RUFY4: variants seen among roughly 807,000 people sequenced by gnomAD.
The protein encoded by RUFY4 is RUN and FYVE domain containing 4.
RUFY4 carries 73 observed loss-of-function variants against 69.0 expected under a neutral mutation model. That is an observed-to-expected ratio of 1.06 (90% CI 0.88 to 1.29). The LOEUF (loss-of-function observed/expected upper bound fraction) is 1.29, where lower values mean the gene tolerates loss of function less well. Among genes scored for constraint, RUFY4 ranks in the 50% most tolerant of loss-of-function variants. RUFY4 has a pLI of 0.00. For synonymous variants in RUFY4, 287 were observed against 271.8 expected (o/e 1.06, Z -0.55); for missense variants, 770 against 705.6 (o/e 1.09, Z -1.03).
At chr2:218,077,654 G>A (rs1352693714) in intron 8 of RUFY4, among the ~76,000 whole-genome samples, 1 of 152,136 alleles carries the variant, frequency 6.6e-6, no homozygotes, top group African/African-American at 2.4e-5. Context: ...CCTGCCCCAG[G>A]TCCAACAGAC....
intron 2 of RUFY4, among the ~76,000 whole-genome samples, chr2:218,071,272 C>T (rs903955042): frequency 3.9e-5 from 6 of 152,146 alleles, no homozygotes; most frequent in Non-Finnish European, 8.8e-5. Context: ...CCCTCTGAGA[C>T]GCTTGATGTC....
chr2:218,062,635 C>T (rs1377429638), intron 3 of RUFY4, among the ~76,000 whole-genome samples: 4 of 152,026 alleles, frequency 2.6e-5, no homozygotes, highest in South Asian at 2.1e-4. Context: ...TGCTTGAACC[C>T]GGGAGGCAGG....
At chr2:218,076,261 A>G (rs920618667) in intron 7 of RUFY4, among the ~76,000 whole-genome samples, 166 bp from the exon 10 acceptor site, 1 of 152,248 alleles carries the variant, frequency 6.6e-6, no homozygotes, top group Non-Finnish European at 1.5e-5. Flanking sequence ...AGGCACACCC[A>G]GAAGCAGGGC....
At chr2:218,072,408 C>T (rs374271135) in exon 3 of RUFY4, 1 of 1,537,396 alleles carries the variant, frequency 6.5e-7, no homozygotes. Context: ...TTCCTGGGGC[C>T]TCGGAAGGAT....
intron 3 of RUFY4, among the ~76,000 whole-genome samples, chr2:218,064,067 A>C (rs1003112595): frequency 4.0e-5 from 6 of 151,794 alleles, no homozygotes; most frequent in African/African-American, 1.5e-4. Flanking sequence ...TAAGCACCCC[A>C]CCCCAGCCCC....
chr2:218,045,107 G>A (rs777334363), intron 2 of RUFY4, among the ~76,000 whole-genome samples: 2 of 152,136 alleles, frequency 1.3e-5, no homozygotes, highest in Non-Finnish European at 2.9e-5. Flanking sequence ...GCCAGCATCT[G>A]TTGTTTTTTG....
chr2:218,060,456 G>C (rs1356690260), intron 3 of RUFY4: 5 of 1,442,100 alleles, frequency 3.5e-6, no homozygotes, highest in Non-Finnish European at 4.9e-6. Context: ...GAAGTCCATG[G>C]CAAAACTTCT....
At chr2:218,087,286 T>C (rs1036298184) in intron 9 of RUFY4, among the ~76,000 whole-genome samples, 1 of 152,142 alleles carries the variant, frequency 6.6e-6, no homozygotes, top group Non-Finnish European at 1.5e-5. Flanking sequence ...ATTGACCTGG[T>C]GCAACTAAGG....
At chr2:218,048,166 G>C (rs1688871194) in intron 2 of RUFY4, among the ~76,000 whole-genome samples, 1 of 152,012 alleles carries the variant, frequency 6.6e-6, no homozygotes, top group African/African-American at 2.4e-5. Flanking sequence ...ATTTCACTGT[G>C]GTTTTGATTT....
At chr2:218,050,101 A>G (rs7561262) in intron 2 of RUFY4, among the ~76,000 whole-genome samples, 84,062 of 151,984 alleles carry the variant, frequency 0.55, 25,289 homozygotes, top group East Asian at 0.78. Flanking sequence ...TTAACCAATC[A>G]AAGGTGTTTT....
intron 3 of RUFY4, chr2:218,061,573 T>C (rs1385809284): frequency 6.4e-6 from 1 of 156,962 alleles, no homozygotes; most frequent in Non-Finnish European, 1.4e-5. Flanking sequence ...AATTTGTATA[T>C]GGCAGGTAGT....
chr2:218,039,755 A>C (rs907237581), intron 2 of RUFY4, among the ~76,000 whole-genome samples: 10 of 152,208 alleles, frequency 6.6e-5, no homozygotes, highest in African/African-American at 2.2e-4. Context: ...CTAACCATCC[A>C]GACTCTGGGA....
intron 7 of RUFY4, 43 bp from the exon 10 acceptor site, chr2:218,076,384 C>G: frequency 6.5e-7 from 1 of 1,543,818 alleles, no homozygotes; most frequent in Non-Finnish European, 8.7e-7. Context: ...GGGGTCTCTG[C>G]CCTTCTCCTT....
At chr2:218,035,370 G>C (rs1958958180) in exon 2 of RUFY4, 3 of 152,442 alleles carry the variant, frequency 2.0e-5, no homozygotes, top group Admixed American at 2.0e-4. Context: ...TGGTCTACAG[G>C]TGGGGAAACT....
intron 2 of RUFY4, among the ~76,000 whole-genome samples, chr2:218,041,616 A>T (rs1292600604): frequency 1.3e-5 from 2 of 152,236 alleles, no homozygotes; most frequent in African/African-American, 4.8e-5. Flanking sequence ...ATTGGTTACA[A>T]TTATACAGCT....
chr2:218,057,199 C>T (rs1217857896), intron 2 of RUFY4, among the ~76,000 whole-genome samples: 1 of 152,068 alleles, frequency 6.6e-6, no homozygotes, highest in East Asian at 1.9e-4. Context: ...CAAAACAATA[C>T]TTAACATTTC....
intron 5 of RUFY4, among the ~76,000 whole-genome samples, chr2:218,073,604 T>A (rs1689549226): frequency 6.6e-6 from 1 of 151,980 alleles, no homozygotes; most frequent in Non-Finnish European, 1.5e-5. Context: ...TCCTGGGTGG[T>A]TGAGGTGGAG....
exon 5 of RUFY4, chr2:218,073,304 T>G (rs900032097): frequency 3.2e-6 from 5 of 1,561,774 alleles, no homozygotes; most frequent in Non-Finnish European, 4.3e-6. Context: ...CATCCTGGAC[T>G]CTCTCTATGC....
intron 2 of RUFY4, among the ~76,000 whole-genome samples, chr2:218,049,711 T>A (rs1688904254): frequency 6.6e-6 from 1 of 152,160 alleles, no homozygotes; most frequent in Admixed American, 6.5e-5. Context: ...TTTCTCCCTG[T>A]TGGTCAGGCT....
Sources: gnomAD v4.1 joint callset for allele counts (sites outside exome capture counted in the v4.1 genomes callset) on GRCh38, gnomAD v4.1.1 for gene constraint, MANE v1.5 for transcripts, NCBI Gene and HGNC (gene_info 2026-07-23, HGNC 2026-07-21) for gene names.